OCA2: variants seen among roughly 807,000 people sequenced by gnomAD.
OCA2 encodes OCA2 melanosomal transmembrane protein, also known as P protein.
OCA2 carries 77 observed loss-of-function variants against 100.2 expected under a neutral mutation model. The observed-to-expected ratio is 0.77, with a 90% CI of 0.64 to 0.93. The LOEUF (loss-of-function observed/expected upper bound fraction) is 0.93, where lower values mean the gene tolerates loss of function less well. Ranked by LOEUF, OCA2 falls within the 40% of genes least tolerant of loss-of-function variation. The pLI is 0.00. For synonymous variants in OCA2, 432 were observed against 439.2 expected (o/e 0.98, Z 0.21); for missense variants, 1,062 against 1,089.1 (o/e 0.98, Z 0.35).
At chr15:27,841,568 G>A (rs2151365412) in intron 23 of OCA2, among the ~76,000 whole-genome samples, 1 of 152,294 alleles carries the variant, frequency 6.6e-6, no homozygotes, top group African/African-American at 2.4e-5. Flanking sequence ...TAAAAATGGA[G>A]CTAAAGTTTA....
At chr15:27,793,485 A>C (rs974334965) in intron 23 of OCA2, among the ~76,000 whole-genome samples, 1 of 152,198 alleles carries the variant, frequency 6.6e-6, no homozygotes, top group Non-Finnish European at 1.5e-5. Context: ...GGTTTTAAAA[A>C]GAAAAATGGT....
intron 2 of OCA2, among the ~76,000 whole-genome samples, chr15:28,044,141 T>G (rs536686434): frequency 6.6e-6 from 1 of 152,232 alleles, no homozygotes; most frequent in African/African-American, 2.4e-5. Flanking sequence ...TATATGTGTA[T>G]GTGTACAACT....
chr15:28,045,436 T>C (rs2043320122), intron 2 of OCA2, among the ~76,000 whole-genome samples: 1 of 152,246 alleles, frequency 6.6e-6, no homozygotes, highest in Admixed American at 6.5e-5. Context: ...ACATGTGATA[T>C]GAGACGCACA....
chr15:27,896,143 C>A, intron 19 of OCA2: 1 of 980,066 alleles, frequency 1.0e-6, no homozygotes, highest in Non-Finnish European at 1.6e-6. Flanking sequence ...GCAGGCCTTG[C>A]CAGAACTACC....
At chr15:27,730,249 T>A in the OCA2 span, among the ~76,000 whole-genome samples, 6 of 152,164 alleles carry the variant, frequency 3.9e-5, no homozygotes, top group Admixed American at 1.3e-4. Flanking sequence ...AGGATACAAG[T>A]CAGGAACAGC....
chr15:28,035,593 G>A (rs1176249084), intron 2 of OCA2, among the ~76,000 whole-genome samples: 1 of 152,174 alleles, frequency 6.6e-6, no homozygotes, highest in Non-Finnish European at 1.5e-5. Context: ...ACTTCAATAA[G>A]GTAGAAAATA....
At chr15:27,932,757 T>G (rs1030052520) in intron 18 of OCA2, among the ~76,000 whole-genome samples, 6 of 152,112 alleles carry the variant, frequency 3.9e-5, no homozygotes, top group African/African-American at 1.4e-4. Flanking sequence ...CAGTAAGCAA[T>G]CACTAAGGAA....
At chr15:27,959,555 G>A (rs1365044373) in intron 15 of OCA2, among the ~76,000 whole-genome samples, 9 of 152,170 alleles carry the variant, frequency 5.9e-5, no homozygotes, top group Admixed American at 4.6e-4. Flanking sequence ...AAGGCATCAC[G>A]GTGAAGGGCC....
intron 9 of OCA2, among the ~76,000 whole-genome samples, chr15:28,014,053 C>T (rs977922784): frequency 1.3e-5 from 2 of 152,064 alleles, no homozygotes; most frequent in Non-Finnish European, 2.9e-5. Context: ...CCTCAACATC[C>T]CCAGGTATTT....
chr15:27,868,313 G>A (rs778207505), intron 21 of OCA2, among the ~76,000 whole-genome samples: 15 of 152,168 alleles, frequency 9.9e-5, no homozygotes, highest in Admixed American at 1.3e-4. Context: ...AAAAACTTGC[G>A]TGTCCACTGA....
At chr15:28,081,999 T>C in intron 1 of OCA2, 104 bp from the exon 2 acceptor site, 2 of 935,224 alleles carry the variant, frequency 2.1e-6, no homozygotes, top group Non-Finnish European at 3.3e-6. Flanking sequence ...TCGGAGGCGG[T>C]CCCAGAGTTC....
At chr15:28,083,363 T>C (rs894362317) in intron 1 of OCA2, among the ~76,000 whole-genome samples, 5 of 152,224 alleles carry the variant, frequency 3.3e-5, no homozygotes, top group African/African-American at 1.2e-4. Flanking sequence ...CATATATCCT[T>C]CTCACCATTG....
intron 1 of OCA2, among the ~76,000 whole-genome samples, chr15:28,082,233 A>C (rs1448017086): frequency 3.3e-5 from 5 of 152,180 alleles, no homozygotes; most frequent in South Asian, 2.1e-4. Context: ...GCACTCTGTA[A>C]AATGGACCAA....
chr15:27,913,834 GAA>G (rs1567097493), intron 19 of OCA2, among the ~76,000 whole-genome samples: 1 of 56,012 alleles, frequency 1.8e-5, no homozygotes, highest in Non-Finnish European at 3.2e-5. Context: ...AAGAAAGAAA[GAA>G]AGGAAAGAAA....
At chr15:27,975,680 A>G (rs2040943695) in intron 14 of OCA2, among the ~76,000 whole-genome samples, 1 of 152,208 alleles carries the variant, frequency 6.6e-6, no homozygotes, top group Non-Finnish European at 1.5e-5. Context: ...TGTCTTGGTT[A>G]CTGAGACTTT....
chr15:28,068,764 C>T (rs753319900), intron 2 of OCA2, among the ~76,000 whole-genome samples: 16 of 152,230 alleles, frequency 1.1e-4, no homozygotes, highest in Non-Finnish European at 2.1e-4. Flanking sequence ...AGGCTTTATT[C>T]CTGTGATGCA....
chr15:28,047,279 G>A lies in OCA2; in HGVS notation c.228-15116C>T, dbSNP rs544360535. On this transcript the variant is annotated intron_variant, in intron 2 of 23. Coordinates refer to ENST00000354638, the MANE Select transcript of OCA2 (RefSeq NM_000275.3). ...CTCCTCCAGAGACTCTGATTCAGAA[G>A]AGAGTGTGGCTCAAAGAGCTATATT... Among the ~76,000 whole-genome samples the A allele has an allele frequency of 9.8e-5, 15 of 152,316 alleles. No individual in the cohort carries two copies. In the East Asian group the frequency reaches 1.7e-3, roughly 18 times the overall value.
chr15:27,745,098 C>T, the OCA2 span, among the ~76,000 whole-genome samples: 1 of 152,058 alleles, frequency 6.6e-6, no homozygotes, highest in Non-Finnish European at 1.5e-5. Context: ...TCTTGGATCT[C>T]CCACAAGAAA....
chr15:27,929,558 ATC>A (rs1437024786), intron 18 of OCA2, among the ~76,000 whole-genome samples: 3 of 152,130 alleles, frequency 2.0e-5, no homozygotes, highest in African/African-American at 7.2e-5. Context: ...ATAGGAAAAA[ATC>A]TCTGACCCTG....
Sources: gnomAD v4.1 joint callset for allele counts (sites outside exome capture counted in the v4.1 genomes callset) on GRCh38, gnomAD v4.1.1 for gene constraint, MANE v1.5 for transcripts, NCBI Gene and HGNC (gene_info 2026-07-23, HGNC 2026-07-21) for gene names.